Variants in DDHD1 observed in about 807,000 individuals in gnomAD.
DDHD1 encodes the protein DDHD domain containing 1.
DDHD1 carries 49 observed loss-of-function variants against 96.4 expected under a neutral mutation model. That is an observed-to-expected ratio of 0.51 (90% CI 0.40 to 0.64). DDHD1 has a LOEUF of 0.64. Among genes scored for constraint, DDHD1 ranks in the 30% least tolerant of loss-of-function variants. The probability of loss-of-function intolerance (pLI) is 0.00; values close to 1 mark genes in which losing one functional copy is unlikely to be tolerated. For synonymous variants in DDHD1, 442 were observed against 446.5 expected (o/e 0.99, Z 0.13); for missense variants, 1,106 against 1,161.2 (o/e 0.95, Z 0.69).
chr14:53,100,976 G>T (rs978120748), intron 2 of DDHD1, among the ~76,000 whole-genome samples: 2 of 151,968 alleles, frequency 1.3e-5, no homozygotes, highest in Non-Finnish European at 2.9e-5. Context: ...ACTCTAACAG[G>T]CTTAAAACTC....
chr14:53,148,951 G>A (rs1285957731), intron 1 of DDHD1, among the ~76,000 whole-genome samples: 3 of 152,162 alleles, frequency 2.0e-5, no homozygotes, highest in Admixed American at 6.5e-5. Context: ...GTACAAACAG[G>A]AAGAACACTG....
chr14:53,086,175 C>T (rs905842511), intron 4 of DDHD1, among the ~76,000 whole-genome samples: 32 of 152,192 alleles, frequency 2.1e-4, no homozygotes, highest in Non-Finnish European at 4.3e-4. Context: ...CTACGTCTGA[C>T]TGGTGTACCT....
intron 8 of DDHD1, among the ~76,000 whole-genome samples, chr14:53,060,772 T>C (rs1012351824): frequency 6.6e-6 from 1 of 152,184 alleles, no homozygotes; most frequent in Non-Finnish European, 1.5e-5. Flanking sequence ...GAATAGCATC[T>C]CTCCTTTCTT....
intron 1 of DDHD1, among the ~76,000 whole-genome samples, chr14:53,109,454 A>G (rs572992107): frequency 2.0e-5 from 3 of 151,668 alleles, no homozygotes; most frequent in East Asian, 1.9e-4. Context: ...TCCCACTCAC[A>G]GGTTTGTAGC....
intron 1 of DDHD1, among the ~76,000 whole-genome samples, chr14:53,122,637 G>A (rs891673340): frequency 4.0e-4 from 59 of 149,096 alleles, no homozygotes; most frequent in African/African-American, 1.4e-3. Context: ...GAGTGCAGTG[G>A]TGCGATCTTG....
At chr14:53,055,299 C>T (rs1213427761) in intron 10 of DDHD1, among the ~76,000 whole-genome samples, 1 of 152,190 alleles carries the variant, frequency 6.6e-6, no homozygotes, top group African/African-American at 2.4e-5. Context: ...ACAGGGAGCA[C>T]CCTCTGACAC....
intron 4 of DDHD1, among the ~76,000 whole-genome samples, chr14:53,079,324 T>C (rs968604249): frequency 1.1e-4 from 16 of 152,142 alleles, no homozygotes; most frequent in Non-Finnish European, 7.4e-5. Context: ...TCTTACTATG[T>C]GGCCCAGGCT....
intron 1 of DDHD1, among the ~76,000 whole-genome samples, chr14:53,107,713 C>A (rs143543874): frequency 6.6e-6 from 1 of 152,102 alleles, no homozygotes; most frequent in Non-Finnish European, 1.5e-5. Flanking sequence ...ATCACTTGAA[C>A]CCGGGAGGCG....
intron 6 of DDHD1, among the ~76,000 whole-genome samples, chr14:53,067,156 CT>C (rs749028980): frequency 4.8e-3 from 654 of 137,662 alleles, no homozygotes; most frequent in South Asian, 5.8e-3. Flanking sequence ...TATTCCTTTT[CT>C]TTTTTTTTTT....
At chr14:53,091,030 G>C (rs2086257211) in intron 4 of DDHD1, among the ~76,000 whole-genome samples, 1 of 152,074 alleles carries the variant, frequency 6.6e-6, no homozygotes, top group Non-Finnish European at 1.5e-5. Context: ...GCTTTATAAG[G>C]ACTCAAGCCT....
chr14:53,152,422 C>T lies in DDHD1; in HGVS notation c.677G>A (p.Gly226Glu). Residue 226 changes from glycine to glutamate, a missense_variant, in exon 1 of 13, where the codon GGA (glycine) becomes GAA (glutamate). Transcript: ENST00000673822. ...GGCGCGGTCCTCATCGTCATCTTCTCCGGAACTGGAGGCTGGGCCCGTGGG... is the reference window on the plus strand; with the variant it reads ...GGCGCGGTCCTCATCGTCATCTTCTTCGGAACTGGAGGCTGGGCCCGTGGG... Reference protein sequence around the residue: ...CSPTGPASSSGEDDDEDRACG... With the variant: ...CSPTGPASSSEEDDDEDRACG... 1.2e-6 allele frequency: 2 copies of T among 1,613,836 alleles called. No homozygotes were observed. The highest frequency in any genetic ancestry group is 1.7e-6 in the Non-Finnish European group (2 of 1,179,946).
At position 53,043,784 on chromosome 14, in the gene DDHD1, C is replaced by G. The variant is rs986865099; in HGVS notation, c.*2984G>C. The G allele has an allele frequency of 3.3e-5, 5 of 152,096 alleles. No individual in the cohort carries two copies. Among genetic ancestry groups the G allele is most frequent in the African/African-American group, 1.2e-4 (5 of 41,406 alleles). The allele number at this position is 152,096 out of a possible 1,614,324, so 9.4% of individuals were successfully genotyped here. A position where few individuals can be genotyped will look rare whatever the true frequency, so the allele number is the denominator to read the frequency against. On this transcript the variant is annotated 3_prime_UTR_variant, in exon 13 of 13. Transcript: ENST00000673822. ...AAACACAGAAACACTGGATTATAAA[C>G]AAGATTACTGTTGAAAAGAAAGTAT...
chr14:53,056,330 T>C (rs959887118), intron 9 of DDHD1, among the ~76,000 whole-genome samples: 3 of 152,208 alleles, frequency 2.0e-5, no homozygotes, highest in Non-Finnish European at 4.4e-5. Flanking sequence ...ATAAATCAGA[T>C]GCCAGCATAA....
At chr14:53,138,635 C>T (rs899624100) in intron 1 of DDHD1, among the ~76,000 whole-genome samples, 2 of 152,044 alleles carry the variant, frequency 1.3e-5, no homozygotes, top group African/African-American at 4.8e-5. Flanking sequence ...GTGCAACTAA[C>T]TAATAAGAAA....
chr14:53,062,870 T>C (rs1371208556), intron 7 of DDHD1, 73 bp downstream of exon 7: 2 of 1,460,402 alleles, frequency 1.4e-6, no homozygotes, highest in Admixed American at 2.0e-5. Context: ...ATGAAATTCT[T>C]AGTTTTCTCG....
In DDHD1 at chr14:53,045,264, C is replaced by T. The variant is rs1881928209; in HGVS notation, c.*1504G>A. The T allele has an allele frequency of 3.3e-5, 5 of 152,430 alleles. No homozygotes were observed. Among genetic ancestry groups the T allele is most frequent in the Admixed American group, 3.3e-4 (5 of 15,266 alleles). 9.4% of individuals were successfully genotyped at this position (152,430 alleles called of 1,614,324 possible). A position where few individuals can be genotyped will look rare whatever the true frequency, so the allele number is the denominator to read the frequency against. The stretch of plus-strand genomic sequence containing the variant: ...AGAGACAGGGTCTGGCTCTGTCACC[C>T]AGGCTGGAGTGCATTGGTGTGATCA... On this transcript the variant is annotated 3_prime_UTR_variant, in exon 13 of 13. Transcript: ENST00000673822.
In DDHD1 at chr14:53,152,310, G is replaced by A. The variant is rs1339016407; in HGVS notation, c.789C>T (p.Leu263=). Residue 263 remains leucine, a synonymous_variant, in exon 1 of 13, where the codon CTC becomes CTT. Coordinates refer to ENST00000673822, the MANE Select transcript of DDHD1 (RefSeq NM_001160148.2). The part of the protein sequence containing the change: ...NIEPVCVRGG[L]YEVDVTQGEC... ...CTCCTTGGGTCACATCCACCTCGTA[G>A]AGGCCGCCCCGCACGCACACAGGCT... 3.1e-6 allele frequency: 5 copies of A among 1,613,782 alleles called. No homozygotes were observed. Among genetic ancestry groups the A allele is most frequent in the Non-Finnish European group, 4.2e-6 (5 of 1,179,894 alleles).
At chr14:53,101,502 T>A (rs560622276) in intron 2 of DDHD1, among the ~76,000 whole-genome samples, 20 of 152,206 alleles carry the variant, frequency 1.3e-4, no homozygotes, top group Middle Eastern at 3.4e-3. Flanking sequence ...CAAAGAATCA[T>A]CATTTTTGAA....
intron 2 of DDHD1, chr14:53,096,289 A>G: frequency 1.8e-6 from 1 of 548,434 alleles, no homozygotes; most frequent in Non-Finnish European, 2.3e-6. Flanking sequence ...TTTTTGTTCT[A>G]GTATTAACTT....
Sources: allele counts gnomAD v4.1 joint callset (sites outside exome capture counted in the v4.1 genomes callset), GRCh38; gene constraint gnomAD v4.1.1; transcripts MANE v1.5; gene names NCBI Gene and HGNC (gene_info 2026-07-23, HGNC 2026-07-21).